Variants in RERE observed in about 807,000 individuals in gnomAD.
RERE encodes the protein arginine-glutamic acid dipeptide repeats.
Under a neutral mutation model 146.1 loss-of-function variants are expected in RERE, and 40 were observed. The observed-to-expected ratio is 0.27, with a 90% CI of 0.21 to 0.36. The LOEUF (loss-of-function observed/expected upper bound fraction) is 0.36, where lower values mean the gene tolerates loss of function less well. Ranked by LOEUF, RERE falls within the 10% of genes least tolerant of loss-of-function variation. The pLI, the probability that RERE is intolerant of heterozygous loss-of-function variation, is 1.00. For missense variants in RERE, 1,933 were observed against 2,138.7 expected (o/e 0.90, Z 1.90); for synonymous variants, 1,003 against 866.0 (o/e 1.16, Z -2.78).
chr1:8,582,842 C>T (rs182328768), intron 4 of RERE, among the ~76,000 whole-genome samples: 7 of 152,326 alleles, frequency 4.6e-5, no homozygotes, highest in Admixed American at 3.3e-4. Flanking sequence ...TGAAATTTCA[C>T]AGGCCAATTA....
intron 10 of RERE, among the ~76,000 whole-genome samples, chr1:8,476,316 T>A (rs760105073): frequency 1.3e-5 from 2 of 152,184 alleles, no homozygotes; most frequent in Non-Finnish European, 2.9e-5. Flanking sequence ...TAAACCCATG[T>A]TCTAGGAAGA....
At chr1:8,754,570 A>G (rs1222563693) in intron 1 of RERE, among the ~76,000 whole-genome samples, 2 of 152,236 alleles carry the variant, frequency 1.3e-5, no homozygotes, top group African/African-American at 4.8e-5. Flanking sequence ...TGTTTGATCT[A>G]CAAGGTCTGC....
intron 4 of RERE, among the ~76,000 whole-genome samples, chr1:8,580,438 AACAC>A (rs1369579843): frequency 6.6e-6 from 1 of 152,242 alleles, no homozygotes; most frequent in African/African-American, 2.4e-5. Flanking sequence ...AAAATTTAAA[AACAC>A]ACACAACTAA....
chr1:8,526,951 C>G (rs1057053865), intron 7 of RERE, among the ~76,000 whole-genome samples: 1 of 152,120 alleles, frequency 6.6e-6, no homozygotes, highest in Non-Finnish European at 1.5e-5. Context: ...CCATGAACCT[C>G]GCCAAAATTA....
intron 12 of RERE, among the ~76,000 whole-genome samples, chr1:8,392,050 C>A (rs922132686): frequency 1.3e-5 from 2 of 152,150 alleles, no homozygotes; most frequent in Non-Finnish European, 2.9e-5. Flanking sequence ...AAATAAAATT[C>A]TAGAAACCAG....
Position 8,607,534 on chromosome 1 carries a change from C to CTTTTTTTTTTTTT in RERE, c.522+7014_522+7026dup, listed in dbSNP as rs1167501074. On this transcript the variant is annotated intron_variant, in intron 4 of 22. Coordinates refer to ENST00000400908, the MANE Select transcript of RERE (RefSeq NM_001042681.2). ...CGCATATTTGTTTTTATATATATTT[C>CTTTTTTTTTTTTT]TTTTTTTTTTTTTTTTTTTTTTTTT... 3.7e-3 allele frequency among the ~76,000 whole-genome samples: 180 copies of CTTTTTTTTTTTTT among 48,578 alleles called. 41 individuals are homozygous for CTTTTTTTTTTTTT. The highest frequency in any genetic ancestry group is 0.015 in the East Asian group (17 of 1,158). The allele number at this position is 48,578 out of a possible 152,430, so 31.9% of individuals were successfully genotyped here. A position where few individuals can be genotyped will look rare whatever the true frequency, so the allele number is the denominator to read the frequency against.
chr1:8,378,391 C>T (rs745593580), intron 12 of RERE, among the ~76,000 whole-genome samples: 3 of 152,220 alleles, frequency 2.0e-5, no homozygotes, highest in Admixed American at 1.3e-4. Context: ...CTTTATGCAA[C>T]TGTATTGGCT....
At chr1:8,637,870 A>G (rs1647121624) in intron 2 of RERE, among the ~76,000 whole-genome samples, 1 of 152,250 alleles carries the variant, frequency 6.6e-6, no homozygotes, top group African/African-American at 2.4e-5. Context: ...TGAAACCTTT[A>G]AATGTCCAGA....
At chr1:8,811,160 C>T (rs1161290805) in intron 1 of RERE, among the ~76,000 whole-genome samples, 1 of 152,148 alleles carries the variant, frequency 6.6e-6, no homozygotes, top group Non-Finnish European at 1.5e-5. Flanking sequence ...GAGAACATTT[C>T]CAGTGCCTCC....
At chr1:8,744,940 G>A (rs189550693) in intron 1 of RERE, among the ~76,000 whole-genome samples, 392 of 152,192 alleles carry the variant, frequency 2.6e-3, no homozygotes, top group Non-Finnish European at 3.2e-3. Context: ...CATGACATAC[G>A]TGGCGCTGTA....
intron 1 of RERE, among the ~76,000 whole-genome samples, chr1:8,705,598 GA>G (rs1639541924): frequency 6.6e-6 from 1 of 152,156 alleles, no homozygotes; most frequent in Non-Finnish European, 1.5e-5. Context: ...TCATGGGTGT[GA>G]TTTTTTTTAA....
At chr1:8,570,270 G>A (rs923496022) in intron 4 of RERE, among the ~76,000 whole-genome samples, 2 of 151,938 alleles carry the variant, frequency 1.3e-5, no homozygotes, top group African/African-American at 2.4e-5. Flanking sequence ...CGGGGAAGTG[G>A]AGGTGAAAGT....
intron 10 of RERE, among the ~76,000 whole-genome samples, chr1:8,477,381 C>T (rs1303270961): frequency 6.6e-6 from 1 of 152,146 alleles, no homozygotes; most frequent in Non-Finnish European, 1.5e-5. Context: ...TGCTGCTTTT[C>T]TCAATAATTA....
chr1:8,559,718 G>A (rs1047834359), intron 4 of RERE, among the ~76,000 whole-genome samples: 5 of 152,088 alleles, frequency 3.3e-5, no homozygotes, highest in African/African-American at 1.2e-4. Context: ...ACAAACTACT[G>A]AACATATCCA....
intron 1 of RERE, among the ~76,000 whole-genome samples, chr1:8,801,191 T>A (rs1299936476): frequency 6.7e-6 from 1 of 150,144 alleles, no homozygotes; most frequent in Admixed American, 6.6e-5. Flanking sequence ...GCCCAGGAGG[T>A]TGAGGCTGCA....
chr1:8,523,571 C>A (rs1645532765), intron 7 of RERE, among the ~76,000 whole-genome samples: 1 of 152,212 alleles, frequency 6.6e-6, no homozygotes, highest in South Asian at 2.1e-4. Context: ...ACCTCCTCCA[C>A]CAGACAAGCA....
intron 1 of RERE, among the ~76,000 whole-genome samples, chr1:8,723,323 G>A (rs562101684): frequency 1.3e-5 from 2 of 152,218 alleles, no homozygotes; most frequent in Non-Finnish European, 2.9e-5. Context: ...CTGAATGGCT[G>A]TGGTTCAATA....
At chr1:8,511,236 CA>C (rs942007600) in intron 7 of RERE, among the ~76,000 whole-genome samples, 16 of 151,730 alleles carry the variant, frequency 1.1e-4, no homozygotes, top group Non-Finnish European at 1.8e-4. Flanking sequence ...ACAAATGAGA[CA>C]AAAAAATGTA....
At chr1:8,644,002 G>A (rs1647220120) in intron 2 of RERE, among the ~76,000 whole-genome samples, 1 of 152,102 alleles carries the variant, frequency 6.6e-6, no homozygotes, top group Non-Finnish European at 1.5e-5. Flanking sequence ...AGCATAAAGT[G>A]CACATTCTAT....
Sources: gnomAD v4.1 joint callset for allele counts (sites outside exome capture counted in the v4.1 genomes callset) on GRCh38, gnomAD v4.1.1 for gene constraint, MANE v1.5 for transcripts, NCBI Gene and HGNC (gene_info 2026-07-23, HGNC 2026-07-21) for gene names.